Variants in IRAG2 observed in about 807,000 individuals in gnomAD.
IRAG2 encodes the protein lymphoid restricted membrane protein.
A neutral mutation model predicts 69.9 loss-of-function variants in IRAG2; 45 were observed. The ratio of observed to expected loss-of-function variants is 0.64; its 90% CI spans 0.51 to 0.83. The LOEUF (loss-of-function observed/expected upper bound fraction) is 0.83, where lower values mean the gene tolerates loss of function less well. Ranked by LOEUF, IRAG2 falls within the 40% of genes least tolerant of loss-of-function variation. The probability of loss-of-function intolerance (pLI) is 0.00; values close to 1 mark genes in which losing one functional copy is unlikely to be tolerated. For synonymous variants in IRAG2, 193 were observed against 202.4 expected (o/e 0.95, Z 0.40); for missense variants, 520 against 587.0 (o/e 0.89, Z 1.18).
At chr12:25,004,725 C>A in exon 1 of IRAG2, 1 of 1,232,146 alleles carries the variant, frequency 8.1e-7, no homozygotes, top group Non-Finnish European at 1.0e-6. Context: ...CACAGAGCAA[C>A]AAGAATTATA....
At chr12:25,018,255 G>C (rs994585611) in intron 6 of IRAG2, among the ~76,000 whole-genome samples, 7 of 144,316 alleles carry the variant, frequency 4.9e-5, no homozygotes. Context: ...GTAGTGCAGC[G>C]GCACGATCTC....
At chr12:25,064,938 A>C (rs1479159103) in intron 4 of IRAG2, among the ~76,000 whole-genome samples, 1 of 152,172 alleles carries the variant, frequency 6.6e-6, no homozygotes, top group East Asian at 1.9e-4. Flanking sequence ...AAAAATACAA[A>C]AATTAGCTGG....
intron 16 of IRAG2, among the ~76,000 whole-genome samples, chr12:25,042,707 C>T (rs1323382506): frequency 6.6e-6 from 1 of 151,810 alleles, no homozygotes; most frequent in Non-Finnish European, 1.5e-5. Flanking sequence ...CCTCGTGATC[C>T]ACCTGCCTCG....
chr12:25,052,196 G>T (rs555301446), upstream of IRAG2: 1 of 371,794 alleles, frequency 2.7e-6, no homozygotes, highest in Non-Finnish European at 4.6e-6. Flanking sequence ...GACAGCTTGC[G>T]GTTTGGACTT....
At chr12:25,065,089 CA>C (rs35101161) in intron 4 of IRAG2, among the ~76,000 whole-genome samples, 166 of 142,754 alleles carry the variant, frequency 1.2e-3, no homozygotes, top group African/African-American at 3.2e-3. Context: ...GACTCAGTCT[CA>C]AAAAAAAAAA....
In IRAG2 at chr12:25,016,549, G is replaced by C. The variant is rs12581655; in HGVS notation, c.1056-585G>C. Among the ~76,000 whole-genome samples the C allele has an allele frequency of 3.7e-3, 559 of 152,094 alleles. 20 individuals are homozygous for C. In the East Asian group the frequency reaches 0.085, roughly 23 times the overall value. ...AGGCTGAAGCGGGCAGATCACTTGA[G>C]ATCAGGAGTTCAAGACCAGCCTGGC... On this transcript the variant is annotated intron_variant, in intron 5 of 38. Transcript: ENST00000636465.
chr12:25,073,361 G>A (rs1946455485), intron 6 of IRAG2, among the ~76,000 whole-genome samples: 2 of 152,328 alleles, frequency 1.3e-5, no homozygotes, highest in South Asian at 4.1e-4. Context: ...AATAATATTT[G>A]TTGAATGCCT....
intron 11 of IRAG2, among the ~76,000 whole-genome samples, chr12:25,088,695 T>C (rs945365166): frequency 6.6e-6 from 1 of 152,214 alleles, no homozygotes; most frequent in Admixed American, 6.5e-5. Flanking sequence ...ATATATTCTA[T>C]GCTGAGAACT....
At chr12:25,104,316 C>T in intron 19 of IRAG2, 45 bp from the exon 20 acceptor site, 1 of 1,226,294 alleles carries the variant, frequency 8.2e-7, no homozygotes, top group South Asian at 1.2e-5. Context: ...ATAATGGCTA[C>T]AGATGTATTT....
At chr12:25,008,972 A>C (rs549530925) in intron 2 of IRAG2, among the ~76,000 whole-genome samples, 1 of 152,200 alleles carries the variant, frequency 6.6e-6, no homozygotes, top group Non-Finnish European at 1.5e-5. Flanking sequence ...ATGTTTAACC[A>C]ATCCATGTCA....
intron 21 of IRAG2, 27 bp downstream of exon 21, chr12:25,107,077 C>A (rs770068375): frequency 3.0e-6 from 4 of 1,314,652 alleles, no homozygotes; most frequent in Non-Finnish European, 3.3e-6. Context: ...ATAAATTCTA[C>A]CATTTTAGTG....
At chr12:25,040,449 G>A (rs981324824) in intron 16 of IRAG2, among the ~76,000 whole-genome samples, 2 of 152,090 alleles carry the variant, frequency 1.3e-5, no homozygotes, top group African/African-American at 4.8e-5. Context: ...GCTACAGTGA[G>A]CTATAATTGT....
chr12:25,093,437 G>A (rs1197631364), intron 14 of IRAG2: 1 of 152,800 alleles, frequency 6.5e-6, no homozygotes, highest in Non-Finnish European at 1.5e-5. Flanking sequence ...CGTGTTGTTG[G>A]GTCTTTATTT....
intron 2 of IRAG2, among the ~76,000 whole-genome samples, chr12:25,006,949 A>G (rs1363671014): frequency 1.3e-5 from 2 of 152,226 alleles, no homozygotes; most frequent in Non-Finnish European, 2.9e-5. Flanking sequence ...TATACTGACA[A>G]GCGAAAAGAA....
intron 6 of IRAG2, among the ~76,000 whole-genome samples, chr12:25,078,498 TTTAA>T (rs1427777309): frequency 3.3e-5 from 5 of 152,220 alleles, no homozygotes; most frequent in African/African-American, 1.2e-4. Context: ...TTTATTGAAT[TTTAA>T]TTTATTTTTC....
intron 20 of IRAG2, among the ~76,000 whole-genome samples, chr12:25,105,235 C>T (rs1948988825): frequency 6.6e-6 from 1 of 151,908 alleles, no homozygotes; most frequent in African/African-American, 2.4e-5. Context: ...CGCCACCACG[C>T]CCGGCTAATT....
chr12:25,065,880 G>A (rs1945948249), intron 4 of IRAG2, among the ~76,000 whole-genome samples: 1 of 152,134 alleles, frequency 6.6e-6, no homozygotes, highest in Non-Finnish European at 1.5e-5. Flanking sequence ...ATGTTGCCCA[G>A]GCTGGTCTCA....
rs1246587588 is a variant in IRAG2 at position 25,101,312 on chromosome 12, T to C, written c.876T>C (p.Pro292=). The C allele has an allele frequency of 1.3e-6, 2 of 1,593,854 alleles. No individual in the cohort carries two copies. The highest frequency in any genetic ancestry group is 8.5e-7 in the Non-Finnish European group (1 of 1,170,218). Residue 292 remains proline (P), a synonymous_variant, in exon 16 of 22, where the codon CCT becomes CCC. Transcript: ENST00000556887. ...VLLQNERSFN[P]LEDDDDCQIK... ...TGCAGAATGAAAGGTCTTTCAATCC[T>C]CTTGAAGATGATGGTAATAAAAGTT...
rs1555125446 is a variant in IRAG2 at position 25,015,112 on chromosome 12, A to AAG, written c.897-70_897-69insAG. On this transcript the variant is annotated intron_variant, in intron 3 of 38. Coordinates refer to the IRAG2 transcript ENST00000636465. The stretch of plus-strand genomic sequence containing the variant: ...TGAAAAAAAAAAAAAAAAAAAAAAA[A>AAG]GACAAAACTTGGTCAGGCAAAGAAT... 355 of 360,986 alleles carry AAG rather than the reference A, an allele frequency of 9.8e-4. 2 individuals are homozygous for AAG. Among genetic ancestry groups the AAG allele is most frequent in the African/African-American group, 3.1e-3 (119 of 37,814 alleles). The allele number at this position is 360,986 out of a possible 1,614,324, so 22.4% of individuals were successfully genotyped here.
Sources: allele counts gnomAD v4.1 joint callset (sites outside exome capture counted in the v4.1 genomes callset), GRCh38; gene constraint gnomAD v4.1.1; transcripts MANE v1.5; gene names NCBI Gene and HGNC (gene_info 2026-07-23, HGNC 2026-07-21).